PPIP5K2: variants seen among roughly 807,000 people sequenced by gnomAD.
PPIP5K2 encodes the protein diphosphoinositol pentakisphosphate kinase 2, also known as inositol hexakisphosphate and diphosphoinositol-pentakisphosphate kinase 2.
A neutral mutation model predicts 154.6 loss-of-function variants in PPIP5K2; 105 were observed. That is an observed-to-expected ratio of 0.68 (90% CI 0.58 to 0.80). PPIP5K2 has a LOEUF of 0.80. Among genes scored for constraint, PPIP5K2 ranks in the 30% least tolerant of loss-of-function variants. The pLI is 0.00. For synonymous variants in PPIP5K2, 480 were observed against 490.3 expected (o/e 0.98, Z 0.28); for missense variants, 992 against 1,504.6 (o/e 0.66, Z 5.64).
chr5:103,135,090 T>C (rs1192153841), intron 3 of PPIP5K2, among the ~76,000 whole-genome samples: 1 of 152,204 alleles, frequency 6.6e-6, no homozygotes, highest in Non-Finnish European at 1.5e-5. Context: ...TAAAGTTATG[T>C]ATGCTTGCTG....
At chr5:103,149,113 C>A in intron 7 of PPIP5K2, 39 bp from the exon 8 acceptor site, 1 of 1,467,982 alleles carries the variant, frequency 6.8e-7, no homozygotes, top group Non-Finnish European at 9.3e-7. Context: ...CACACACATA[C>A]ATATATATAT....
At position 103,208,101 on chromosome 5, in the gene PPIP5K2, T is replaced by A. The variant is rs1420416991; in HGVS notation, c.*6467T>A. The stretch of plus-strand genomic sequence containing the variant: ...TGGCTTTTCTTTTTCTTTTTCTTTT[T>A]TTTTTTGAGATGGAGTTTTACTCTT... On this transcript the variant is annotated 3_prime_UTR_variant, in exon 31 of 31. Transcript: ENST00000358359. 6.6e-6 allele frequency: 1 copy of A among 151,806 alleles called. No homozygotes were observed. Among genetic ancestry groups the A allele is most frequent in the Non-Finnish European group, 1.5e-5 (1 of 67,954 alleles). The allele number at this position is 151,806 out of a possible 1,614,324, so 9.4% of individuals were successfully genotyped here. A position where few individuals can be genotyped will look rare whatever the true frequency, so the allele number is the denominator to read the frequency against.
chr5:103,148,074 T>C (rs1187049141), intron 7 of PPIP5K2, 42 bp downstream of exon 7: 3 of 1,317,740 alleles, frequency 2.3e-6, no homozygotes, highest in Admixed American at 1.9e-5. Context: ...TATTTCAAGT[T>C]TACCAATGAT....
intron 30 of PPIP5K2, among the ~76,000 whole-genome samples, chr5:103,199,923 C>T (rs1802712261): frequency 6.6e-6 from 1 of 152,122 alleles, no homozygotes; most frequent in East Asian, 1.9e-4. Flanking sequence ...GACTCATCTC[C>T]AAAGTGATCT....
At chr5:103,189,012 CTTCCT>C (rs1800820597) in intron 28 of PPIP5K2, 2 of 526,142 alleles carry the variant, frequency 3.8e-6, no homozygotes, top group Admixed American at 7.3e-5. Flanking sequence ...TCATTTGACT[CTTCCT>C]TTTACTTTTT....
rs537057360 is a variant in PPIP5K2, at chr5:103,187,380, C to T, written c.3352+4C>T. 2.2e-5 allele frequency: 33 copies of T among 1,529,192 alleles called. No homozygotes were observed. In the South Asian group the frequency reaches 3.1e-4, roughly 14 times the overall value. 94.7% of individuals were successfully genotyped at this position (1,529,192 alleles called of 1,614,324 possible). On this transcript the variant is annotated splice_donor_region_variant and intron_variant, in intron 28 of 30. Transcript: ENST00000358359. ...TTTGCTCGACACCCAACCAATGGTA[C>T]GTTTTGCTTTTATTTTAAAAGATAC... is the stretch of plus-strand genomic sequence containing the variant.
chr5:103,166,093 A>G (rs1797078686), intron 17 of PPIP5K2, among the ~76,000 whole-genome samples: 1 of 152,086 alleles, frequency 6.6e-6, no homozygotes. Flanking sequence ...AAGCACAATC[A>G]AAGTAATGGC....
chr5:103,144,618 A>G (rs550231968), intron 5 of PPIP5K2, among the ~76,000 whole-genome samples: 4 of 152,236 alleles, frequency 2.6e-5, no homozygotes, highest in Admixed American at 2.0e-4. Context: ...AAAAATATAC[A>G]CATTTGCAGT....
rs377321666 is a variant in PPIP5K2, at chr5:103,129,613, C to T, written c.24C>T (p.Phe8=). Residue 8 remains phenylalanine, a synonymous_variant, in exon 2 of 31, where the codon TTC becomes TTT. Transcript: ENST00000358359. ...AAATGAGTGAAGCCCCCAGATTCTT[C>T]GTTGGACCAGAAGATACAGAAATAA... MSEAPRF[F]VGPEDTEINP... is the part of the protein sequence containing the mutation. 2.9e-5 allele frequency: 46 copies of T among 1,602,606 alleles called. No individual in the cohort carries two copies. Among genetic ancestry groups the T allele is most frequent in the African/African-American group, 2.2e-4 (16 of 74,196 alleles).
In PPIP5K2 at chr5:103,186,362, G is replaced by A; in HGVS notation, c.3212G>A (p.Gly1071Asp). The A allele has an allele frequency of 2.5e-6, 4 of 1,613,872 alleles. No individual in the cohort carries two copies. Among genetic ancestry groups the A allele is most frequent in the Non-Finnish European group, 3.4e-6 (4 of 1,179,870 alleles). Residue 1071 changes from glycine to aspartate, a missense_variant, in exon 27 of 31, where the codon GGT becomes GAT. By Grantham distance (94) the Gly-to-Asp change is moderately conservative (BLOSUM62 -1). Transcript: ENST00000358359. ...CTGTTTAGCACCTCGGTGCTCGGGG[G>A]TTCTTCAAGCGCACCTAACCTACAG... ...AGLFSTSVLG[G>D]SSSAPNLQDY...
chr5:103,129,926 T>C (rs1190950196), intron 2 of PPIP5K2, among the ~76,000 whole-genome samples: 2 of 152,196 alleles, frequency 1.3e-5, no homozygotes, highest in Non-Finnish European at 2.9e-5. Flanking sequence ...GTGATACGCA[T>C]AGTGTAACTC....
rs1405235749 is a variant in PPIP5K2, at chr5:103,205,615, C to A, written c.*3981C>A. On this transcript the variant is annotated 3_prime_UTR_variant, in exon 31 of 31. Coordinates refer to ENST00000358359, the MANE Select transcript of PPIP5K2 (RefSeq NM_001276277.3). ...TTTTCTTTTGGTTCATGTGCTTTGT[C>A]ATGGATTGTGAGAAAAACATCTTTT... is the stretch of plus-strand genomic sequence containing the variant. 5 of 152,104 alleles carry A rather than the reference C, an allele frequency of 3.3e-5. No individual in the cohort carries two copies. The highest frequency in any genetic ancestry group is 3.3e-4 in the Admixed American group (5 of 15,258). 9.4% of individuals were successfully genotyped at this position (152,104 alleles called of 1,614,324 possible). A position where few individuals can be genotyped will look rare whatever the true frequency, so the allele number is the denominator to read the frequency against.
At chr5:103,167,343 A>G (rs1554218234) in intron 18 of PPIP5K2, 23 bp downstream of exon 18, 2 of 1,505,706 alleles carry the variant, frequency 1.3e-6, no homozygotes, top group Non-Finnish European at 8.9e-7. Context: ...TTCTTAGAGC[A>G]TAGAACAAAT....
intron 15 of PPIP5K2, 30 bp downstream of exon 15, chr5:103,158,343 T>C: frequency 5.6e-6 from 9 of 1,598,312 alleles, no homozygotes; most frequent in Non-Finnish European, 7.7e-6. Flanking sequence ...TTAATTTGAC[T>C]AATTTCATAA....
chr5:103,173,764 G>A, intron 20 of PPIP5K2, 94 bp from the exon 21 acceptor site: 2 of 850,490 alleles, frequency 2.4e-6, no homozygotes, highest in Non-Finnish European at 3.7e-6. Flanking sequence ...TTTACTTCTA[G>A]TGAAATTACA....
In PPIP5K2 at chr5:103,120,419, G is replaced by A. The variant is rs190919970; in HGVS notation, c.-354G>A. 2 of 456,752 alleles carry A rather than the reference G, an allele frequency of 4.4e-6. No individual in the cohort carries two copies. The highest frequency in any genetic ancestry group is 2.3e-5 in the Admixed American group (1 of 42,568). 28.3% of individuals were successfully genotyped at this position (456,752 alleles called of 1,614,324 possible). On this transcript the variant is annotated 5_prime_UTR_variant, in exon 1 of 31. Coordinates refer to ENST00000358359, the MANE Select transcript of PPIP5K2 (RefSeq NM_001276277.3). Reference sequence around the variant, plus strand: ...CCTCACCCCTGCCTCCGGGATGAAAGGGGGTAACCTAGACCTGAATGGGCT... The same window carrying A: ...CCTCACCCCTGCCTCCGGGATGAAAAGGGGTAACCTAGACCTGAATGGGCT...
chr5:103,149,651 T>C (rs565035456), intron 8 of PPIP5K2, among the ~76,000 whole-genome samples: 1 of 152,112 alleles, frequency 6.6e-6, no homozygotes, highest in Non-Finnish European at 1.5e-5. Context: ...TTTTGTTGAA[T>C]GAAAACAGTT....
intron 30 of PPIP5K2, among the ~76,000 whole-genome samples, chr5:103,197,661 C>A (rs1486539598): frequency 6.8e-6 from 1 of 147,988 alleles, no homozygotes; most frequent in Admixed American, 6.8e-5. Context: ...CTGCAACCTC[C>A]ACCTCCCGGG....
intron 28 of PPIP5K2, 86 bp from the exon 29 acceptor site, chr5:103,190,756 G>C: frequency 7.8e-7 from 1 of 1,285,452 alleles, no homozygotes; most frequent in Non-Finnish European, 1.1e-6. Flanking sequence ...AAACTGTCCA[G>C]TTCTAAGCAG....
Sources: allele counts gnomAD v4.1 joint callset (sites outside exome capture counted in the v4.1 genomes callset), GRCh38; gene constraint gnomAD v4.1.1; transcripts MANE v1.5; gene names NCBI Gene and HGNC (gene_info 2026-07-23, HGNC 2026-07-21).